CPNE4: variants seen among roughly 807,000 people sequenced by gnomAD.
The protein encoded by CPNE4 is copine 4, also known as copine-4.
Under a neutral mutation model 67.9 loss-of-function variants are expected in CPNE4, and 25 were observed. That is an observed-to-expected ratio of 0.37 (90% CI 0.27 to 0.51). The LOEUF (loss-of-function observed/expected upper bound fraction) is 0.51. Among genes scored for constraint, CPNE4 ranks in the 20% least tolerant of loss-of-function variants. The probability of loss-of-function intolerance (pLI) is 0.93; values close to 1 mark genes in which losing one functional copy is unlikely to be tolerated. For synonymous variants in CPNE4, 242 were observed against 244.9 expected, an observed-to-expected ratio of 0.99 and a Z score of 0.11; for missense variants, 464 against 690.8, an observed-to-expected ratio of 0.67 and a Z score of 3.68.
intron 2 of CPNE4, among the ~76,000 whole-genome samples, chr3:131,744,089 T>G (rs1159008277): frequency 1.3e-5 from 2 of 151,596 alleles, no homozygotes; most frequent in Non-Finnish European, 2.9e-5. Context: ...TAAGAAAAAT[T>G]TAAAAACTTG....
At chr3:131,775,716 A>G (rs1178824899) in intron 2 of CPNE4, among the ~76,000 whole-genome samples, 1 of 152,182 alleles carries the variant, frequency 6.6e-6, no homozygotes, top group Non-Finnish European at 1.5e-5. Flanking sequence ...CTGTGAGTGC[A>G]TTAAACCTGT....
chr3:131,740,589 T>A (rs2082334008), intron 2 of CPNE4, among the ~76,000 whole-genome samples: 1 of 152,194 alleles, frequency 6.6e-6, no homozygotes, highest in Admixed American at 6.5e-5. Flanking sequence ...CCTTCCCCAC[T>A]GTTGCCACTT....
At chr3:131,943,682 G>A (rs955851656) in intron 1 of CPNE4, among the ~76,000 whole-genome samples, 1 of 152,150 alleles carries the variant, frequency 6.6e-6, no homozygotes, top group Middle Eastern at 3.4e-3. Flanking sequence ...TTCTCCTGCA[G>A]CATCCATCAG....
At position 131,959,249 on chromosome 3, in the gene CPNE4, C is replaced by G. The variant is rs1321266454; in HGVS notation, c.-1-53805G>C. Among the ~76,000 whole-genome samples, 2 of 38,114 alleles carry G rather than the reference C, an allele frequency of 5.2e-5. 1 individual carries two copies. The highest frequency in any genetic ancestry group is 1.1e-4 in the Non-Finnish European group (2 of 18,986). The allele number at this position is 38,114 out of a possible 152,430, so 25.0% of individuals were successfully genotyped here. ...TCTCCTGACCTCGTGATCCGCCCGC[C>G]TCGGCCTCCCAAAGTGCTGGGATTA... On this transcript the variant is annotated intron_variant, in intron 1 of 15. Transcript: ENST00000429747.
chr3:131,954,535 T>G (rs1007395569), intron 1 of CPNE4, among the ~76,000 whole-genome samples: 10 of 152,348 alleles, frequency 6.6e-5, no homozygotes, highest in Admixed American at 4.6e-4. Flanking sequence ...CTAGGGTACA[T>G]GTGCACAACG....
intron 2 of CPNE4, among the ~76,000 whole-genome samples, chr3:131,855,186 T>C (rs1018079962): frequency 6.6e-6 from 1 of 152,006 alleles, no homozygotes; most frequent in African/African-American, 2.4e-5. Context: ...TTTTCACTTG[T>C]TAGGTCTCTC....
At chr3:131,700,763 T>C (rs1241888894) in intron 3 of CPNE4, among the ~76,000 whole-genome samples, 4 of 152,196 alleles carry the variant, frequency 2.6e-5, no homozygotes, top group Non-Finnish European at 5.9e-5. Context: ...CAAAGGATTA[T>C]AAATCATGCT....
intron 2 of CPNE4, among the ~76,000 whole-genome samples, chr3:131,789,108 C>T (rs1200235667): frequency 6.6e-6 from 1 of 151,640 alleles, no homozygotes; most frequent in East Asian, 1.9e-4. Context: ...TCCACCTGGT[C>T]CTGGGTGTTT....
At chr3:131,566,584 A>G (rs1937070184) in intron 10 of CPNE4, among the ~76,000 whole-genome samples, 1 of 151,958 alleles carries the variant, frequency 6.6e-6, no homozygotes, top group South Asian at 2.1e-4. Context: ...AACAAGATAG[A>G]GATCCAAACT....
At chr3:131,652,074 T>A (rs532119471) in intron 7 of CPNE4, among the ~76,000 whole-genome samples, 20 of 152,328 alleles carry the variant, frequency 1.3e-4, no homozygotes, top group African/African-American at 3.8e-4. Flanking sequence ...CTTGTTTTAA[T>A]AAATGGCTGA....
chr3:131,922,892 C>T (rs377734480), intron 1 of CPNE4, among the ~76,000 whole-genome samples: 1 of 152,044 alleles, frequency 6.6e-6, no homozygotes, highest in South Asian at 2.1e-4. Context: ...ATAGCAAATG[C>T]CCAAGTGCCC....
At chr3:131,749,223 G>A (rs1206044453) in intron 2 of CPNE4, among the ~76,000 whole-genome samples, 1 of 152,098 alleles carries the variant, frequency 6.6e-6, no homozygotes, top group African/African-American at 2.4e-5. Context: ...CATGGATTAT[G>A]CAGAAGTCTG....
rs1404089933 is a variant in CPNE4 at position 131,564,283 on chromosome 3, G to C, written c.994C>G (p.Pro332Ala). 1.9e-6 allele frequency: 3 copies of C among 1,612,814 alleles called. No individual in the cohort carries two copies. The East Asian group carries it at 6.7e-5, about 36-fold the overall frequency. The change falls in exon 11 of 16, where the codon CCT (proline) becomes GCT (alanine). Residue 332 changes from proline to alanine, a missense_variant. By Grantham distance (27) the Pro-to-Ala change is conservative (BLOSUM62 -1). Coordinates refer to ENST00000429747, the MANE Select transcript of CPNE4 (RefSeq NM_130808.3). The stretch of plus-strand genomic sequence containing the variant: ...TTCAGATACTCATTGGGTTGGTAAG[G>C]GTGGATGTAGTGCAAGGAACAGCTG... ...RNSCSLHYIH[P>A]YQPNEYLKAL...
intron 4 of CPNE4, among the ~76,000 whole-genome samples, chr3:131,697,890 G>C (rs1354348470): frequency 3.3e-5 from 5 of 152,066 alleles, no homozygotes; most frequent in African/African-American, 1.2e-4. Context: ...AGCTATTAAA[G>C]CCAATGTTTT....
At chr3:131,715,321 A>G (rs763287141) in intron 3 of CPNE4, among the ~76,000 whole-genome samples, 1 of 152,232 alleles carries the variant, frequency 6.6e-6, no homozygotes, top group Non-Finnish European at 1.5e-5. Flanking sequence ...TGCCTCTATC[A>G]GCTCTGTGTA....
rs1416993128 is a variant in CPNE4 at position 131,915,488 on chromosome 3, TG to T, written c.-1-10045del. On this transcript the variant is annotated intron_variant, in intron 1 of 15. Transcript: ENST00000429747. ...CACTGAGCATTTGAGGAGTTATAGA[TG>T]GTGGAGCTACAACACCCAGCAAACA... Among the ~76,000 whole-genome samples, 17 of 152,300 alleles carry T rather than the reference TG, an allele frequency of 1.1e-4. No homozygotes were observed. The South Asian group carries it at 1.7e-3, about 15-fold the overall frequency.
intron 2 of CPNE4, among the ~76,000 whole-genome samples, chr3:131,752,882 G>A (rs1377393839): frequency 2.0e-5 from 3 of 151,988 alleles, no homozygotes; most frequent in South Asian, 2.1e-4. Context: ...GGGTTTTGGG[G>A]GAATTGACAA....
intron 2 of CPNE4, among the ~76,000 whole-genome samples, chr3:131,766,647 A>G (rs2083024396): frequency 6.6e-6 from 1 of 152,190 alleles, no homozygotes; most frequent in African/African-American, 2.4e-5. Flanking sequence ...AATGTCCAAT[A>G]TGATGTCTCT....
intron 1 of CPNE4, among the ~76,000 whole-genome samples, chr3:131,938,461 G>C (rs2071291456): frequency 6.6e-6 from 1 of 151,978 alleles, no homozygotes. Context: ...AAACAATAAT[G>C]TATTAGTGTT....
Sources: allele counts gnomAD v4.1 joint callset (sites outside exome capture counted in the v4.1 genomes callset), GRCh38; gene constraint gnomAD v4.1.1; transcripts MANE v1.5; gene names NCBI Gene and HGNC (gene_info 2026-07-23, HGNC 2026-07-21).